CDH12: variants seen among roughly 807,000 people sequenced by gnomAD.
CDH12 encodes cadherin-12.
Under a neutral mutation model 74.1 loss-of-function variants are expected in CDH12, and 41 were observed. The observed-to-expected ratio is 0.55, with a 90% CI of 0.43 to 0.72. The LOEUF is 0.72. Ranked by LOEUF, CDH12 falls within the 30% of genes least tolerant of loss-of-function variation. CDH12 has a pLI of 0.00. For synonymous variants in CDH12, 399 were observed against 355.0 expected, an observed-to-expected ratio of 1.12 and a Z score of -1.39; for missense variants, 945 against 977.2, an observed-to-expected ratio of 0.97 and a Z score of 0.44.
chr5:22,042,053 A>T (rs1022244298), intron 5 of CDH12, among the ~76,000 whole-genome samples: 4 of 152,180 alleles, frequency 2.6e-5, no homozygotes, highest in African/African-American at 9.6e-5. Context: ...ACTCTTGAAC[A>T]ATCAATGCAT....
chr5:22,726,863 T>C (rs937331746), intron 1 of CDH12, among the ~76,000 whole-genome samples: 2 of 151,832 alleles, frequency 1.3e-5, no homozygotes, highest in Admixed American at 6.6e-5. Context: ...GAGCAGTGGA[T>C]TATATATTCA....
At chr5:22,393,237 A>G (rs1201050519) in intron 3 of CDH12, among the ~76,000 whole-genome samples, 1 of 152,166 alleles carries the variant, frequency 6.6e-6, no homozygotes, top group Non-Finnish European at 1.5e-5. Flanking sequence ...AAAGGAGAAA[A>G]GGAGACAATT....
At chr5:22,265,012 C>A (rs1029838391) in intron 3 of CDH12, among the ~76,000 whole-genome samples, 1 of 152,168 alleles carries the variant, frequency 6.6e-6, no homozygotes, top group Non-Finnish European at 1.5e-5. Context: ...TTCACAATAA[C>A]TTTTCTCTAA....
At chr5:21,937,785 C>A (rs568922039) in intron 6 of CDH12, among the ~76,000 whole-genome samples, 35 of 152,266 alleles carry the variant, frequency 2.3e-4, no homozygotes, top group African/African-American at 8.4e-4. Context: ...CAGGGCCATG[C>A]TCACACACAG....
chr5:22,576,542 G>A (rs111968365), intron 1 of CDH12, among the ~76,000 whole-genome samples: 89 of 152,280 alleles, frequency 5.8e-4, no homozygotes, highest in African/African-American at 1.9e-3. Context: ...GTTATGTTCC[G>A]TAGAGTTTTG....
At chr5:22,123,708 T>C (rs946780964) in intron 4 of CDH12, among the ~76,000 whole-genome samples, 2 of 152,182 alleles carry the variant, frequency 1.3e-5, no homozygotes, top group Non-Finnish European at 2.9e-5. Flanking sequence ...TCCTACGCGA[T>C]TTTGCAGTAA....
chr5:22,645,726 A>G (rs975112546), intron 1 of CDH12, among the ~76,000 whole-genome samples: 1 of 152,090 alleles, frequency 6.6e-6, no homozygotes, highest in Admixed American at 6.6e-5. Context: ...TTGTTTTCTT[A>G]TTTTAACAAA....
At chr5:22,071,677 C>G (rs1458168883) in intron 5 of CDH12, among the ~76,000 whole-genome samples, 1 of 151,976 alleles carries the variant, frequency 6.6e-6, no homozygotes, top group Non-Finnish European at 1.5e-5. Flanking sequence ...GTTTTAACTA[C>G]CATCTGTATT....
At chr5:21,827,096 C>T (rs2149960682) in intron 8 of CDH12, among the ~76,000 whole-genome samples, 1 of 152,034 alleles carries the variant, frequency 6.6e-6, no homozygotes, top group East Asian at 1.9e-4. Flanking sequence ...AATGAGCAAG[C>T]TGGGGGCTAA....
At chr5:22,317,892 G>T (rs1051689298) in intron 3 of CDH12, among the ~76,000 whole-genome samples, 1 of 152,180 alleles carries the variant, frequency 6.6e-6, no homozygotes, top group East Asian at 1.9e-4. Flanking sequence ...AGATTCACTT[G>T]CAATCTGTAT....
intron 1 of CDH12, among the ~76,000 whole-genome samples, chr5:22,821,761 G>T (rs1252667158): frequency 4.6e-5 from 7 of 151,218 alleles, no homozygotes; most frequent in Non-Finnish European, 7.4e-5. Context: ...AACATTCCAT[G>T]CTCATGGGTA....
chr5:22,649,048 T>C (rs943593183), intron 1 of CDH12, among the ~76,000 whole-genome samples: 1 of 151,860 alleles, frequency 6.6e-6, no homozygotes, highest in African/African-American at 2.4e-5. Flanking sequence ...AAAGTATGTG[T>C]AGAGGGATAA....
In CDH12 at chr5:22,096,505, T is replaced by C. The variant is rs58683745; in HGVS notation, c.-186-17643A>G. Among the ~76,000 whole-genome samples the C allele has an allele frequency of 5.8e-3, 882 of 152,178 alleles. 7 individuals are homozygous for C. The highest frequency in any genetic ancestry group is 0.018 in the African/African-American group (749 of 41,548). On this transcript the variant is annotated intron_variant, in intron 4 of 14. Transcript: ENST00000382254. ...CTCTCTCCTCCTAGCCAGGCAGAGC[T>C]AGGTGCCAATTCTTCCTCAGCCTCC...
chr5:22,470,727 A>G lies in CDH12; in HGVS notation c.-428+34543T>C, dbSNP rs181938524. Among the ~76,000 whole-genome samples the G allele has an allele frequency of 1.3e-3, 196 of 152,094 alleles. 1 individual carries two copies. Among genetic ancestry groups the G allele is most frequent in the African/African-American group, 4.6e-3 (193 of 41,506 alleles). ...GCCACCTTGCCCAGTCTTCTTTTCT[A>G]TTTTATAAGGTAGATGATAGTCATC... On this transcript the variant is annotated intron_variant, in intron 2 of 14. Coordinates refer to ENST00000382254, the MANE Select transcript of CDH12 (RefSeq NM_004061.5).
chr5:22,333,926 C>T (rs1051330520), intron 3 of CDH12, among the ~76,000 whole-genome samples: 13 of 152,254 alleles, frequency 8.5e-5, no homozygotes, highest in African/African-American at 2.9e-4. Context: ...TAAAGTTCAA[C>T]ATCCTGTAAT....
chr5:21,788,957 ATTTC>A (rs1344566248), intron 10 of CDH12, among the ~76,000 whole-genome samples: 1 of 151,352 alleles, frequency 6.6e-6, no homozygotes, highest in Non-Finnish European at 1.5e-5. Context: ...TTTTTTGTGT[ATTTC>A]TTCTCTACTC....
intron 6 of CDH12, among the ~76,000 whole-genome samples, chr5:21,908,860 T>G (rs1753749098): frequency 6.6e-6 from 1 of 152,184 alleles, no homozygotes; most frequent in Admixed American, 6.5e-5. Flanking sequence ...TTTGCTCACT[T>G]AATGTGAATG....
intron 3 of CDH12, among the ~76,000 whole-genome samples, chr5:22,368,397 C>T (rs781331083): frequency 2.6e-5 from 4 of 151,794 alleles, no homozygotes; most frequent in Non-Finnish European, 5.9e-5. Flanking sequence ...CTACCAGGCT[C>T]ATGTGATCCT....
chr5:22,524,317 T>G (rs1737177476), intron 1 of CDH12, among the ~76,000 whole-genome samples: 1 of 152,160 alleles, frequency 6.6e-6, no homozygotes, highest in Non-Finnish European at 1.5e-5. Context: ...TTAAAAATTT[T>G]TCTGTCCTTC....
Sources: allele counts gnomAD v4.1 joint callset (sites outside exome capture counted in the v4.1 genomes callset), GRCh38; gene constraint gnomAD v4.1.1; transcripts MANE v1.5; gene names NCBI Gene and HGNC (gene_info 2026-07-23, HGNC 2026-07-21).